ARID4B: variants seen among roughly 807,000 people sequenced by gnomAD.
ARID4B encodes the protein AT-rich interactive domain-containing protein 4B.
In ARID4B, 26 loss-of-function variants were observed where a neutral mutation model predicts 147.5. The ratio of observed to expected loss-of-function variants is 0.18; its 90% CI spans 0.13 to 0.24. ARID4B has a LOEUF of 0.24. ARID4B is among the 10% of genes least tolerant of loss of function. ARID4B has a pLI of 1.00. For missense variants in ARID4B, 1,179 were observed against 1,511.5 expected (o/e 0.78, Z 3.65); for synonymous variants, 512 against 507.9 (o/e 1.01, Z -0.11).
At chr1:235,262,965 T>A (rs1379184549) in intron 2 of ARID4B, among the ~76,000 whole-genome samples, 2 of 152,242 alleles carry the variant, frequency 1.3e-5, no homozygotes, top group Non-Finnish European at 2.9e-5. Context: ...AATTAAATTT[T>A]TTTTAAATGT....
At chr1:235,299,916 CTT>C (rs1389914323) in intron 2 of ARID4B, among the ~76,000 whole-genome samples, 2 of 152,078 alleles carry the variant, frequency 1.3e-5, no homozygotes. Context: ...TCCTGGGTAT[CTT>C]TTTATTGTCA....
At position 235,167,765 on chromosome 1, in the gene ARID4B, T is replaced by C. The variant is rs529694375; in HGVS notation, c.*760A>G. 22 of 194,678 alleles carry C rather than the reference T, an allele frequency of 1.1e-4. No individual in the cohort carries two copies. The East Asian group carries it at 1.7e-3, about 15-fold the overall frequency. The allele number at this position is 194,678 out of a possible 1,614,324, so 12.1% of individuals were successfully genotyped here. On this transcript the variant is annotated 3_prime_UTR_variant, in exon 24 of 24. Transcript: ENST00000264183. The stretch of plus-strand genomic sequence containing the variant: ...CTGGCTAAGTACAATCTTTATACAT[T>C]GTTTAAGATTTAATACAGTTTATTA...
At chr1:235,228,293 T>C (rs1667964530) in intron 11 of ARID4B, 1 of 142,528 alleles carries the variant, frequency 7.0e-6, no homozygotes, top group South Asian at 2.3e-4. Context: ...TTCTTTTTTT[T>C]TTTTTTTTTT....
At chr1:235,314,198 CCAAA>C (rs1357950756) in intron 2 of ARID4B, among the ~76,000 whole-genome samples, 1 of 151,872 alleles carries the variant, frequency 6.6e-6, no homozygotes, top group Admixed American at 6.6e-5. Context: ...CAATTCAATC[CCAAA>C]CAGTCTTGAT....
At chr1:235,211,532 C>T (rs1180140770) in intron 17 of ARID4B, among the ~76,000 whole-genome samples, 2 of 152,270 alleles carry the variant, frequency 1.3e-5, no homozygotes, top group African/African-American at 2.4e-5. Context: ...GGTGTTGTGA[C>T]TCTATCTCAT....
chr1:235,270,505 C>CA, intron 2 of ARID4B, among the ~76,000 whole-genome samples: 1 of 152,218 alleles, frequency 6.6e-6, no homozygotes, highest in Non-Finnish European at 1.5e-5. Flanking sequence ...ATCCACATCT[C>CA]ATAAACCAGA....
chr1:235,272,389 A>T (rs919739239), intron 2 of ARID4B, among the ~76,000 whole-genome samples: 3 of 152,218 alleles, frequency 2.0e-5, no homozygotes, highest in Non-Finnish European at 4.4e-5. Flanking sequence ...TAGCACCTAC[A>T]TATAGAAGAA....
At chr1:235,274,228 A>G (rs1671166981) in intron 2 of ARID4B, among the ~76,000 whole-genome samples, 2 of 151,982 alleles carry the variant, frequency 1.3e-5, no homozygotes, top group Non-Finnish European at 2.9e-5. Flanking sequence ...ACAAAAAAAA[A>G]AAATTAGCTG....
chr1:235,237,104 C>G (rs1668660458), intron 8 of ARID4B, among the ~76,000 whole-genome samples: 1 of 150,716 alleles, frequency 6.6e-6, no homozygotes, highest in Non-Finnish European at 1.5e-5. Context: ...AACTCCTGAC[C>G]TCAGGTGATC....
At chr1:235,234,846 G>A (rs1668458935) in intron 8 of ARID4B, among the ~76,000 whole-genome samples, 1 of 152,116 alleles carries the variant, frequency 6.6e-6, no homozygotes, top group Non-Finnish European at 1.5e-5. Context: ...AAAAAACAAG[G>A]GTCCAGAATT....
chr1:235,271,145 G>C (rs1009654761), intron 2 of ARID4B, among the ~76,000 whole-genome samples: 3 of 152,092 alleles, frequency 2.0e-5, no homozygotes, highest in Non-Finnish European at 4.4e-5. Context: ...TTGAGCCCAG[G>C]AGTTTGAGAC....
At position 235,326,627 on chromosome 1, in the gene ARID4B, T is replaced by C. The variant is rs190874129; in HGVS notation, c.6+287A>G. 2.4e-4 allele frequency among the ~76,000 whole-genome samples: 37 copies of C among 152,352 alleles called. No individual in the cohort carries two copies. The East Asian group carries it at 5.2e-3, about 21-fold the overall frequency. Reference sequence around the variant, plus strand: ...AGATTACCTGACTTGCTTTTTATTTTACCTTTTAAAACACTTTAATTCATG... The same window carrying C: ...AGATTACCTGACTTGCTTTTTATTTCACCTTTTAAAACACTTTAATTCATG... On this transcript the variant is annotated intron_variant, in intron 2 of 23. Coordinates refer to ENST00000264183, the MANE Select transcript of ARID4B (RefSeq NM_016374.6).
At chr1:235,323,897 A>G (rs1675027428) in intron 2 of ARID4B, among the ~76,000 whole-genome samples, 2 of 150,746 alleles carry the variant, frequency 1.3e-5, no homozygotes, top group South Asian at 4.2e-4. Flanking sequence ...TTTTTATTTT[A>G]TTTTATTTAG....
intron 19 of ARID4B, among the ~76,000 whole-genome samples, chr1:235,192,100 T>TA (rs1217237125): frequency 6.6e-6 from 1 of 151,604 alleles, no homozygotes; most frequent in Non-Finnish European, 1.5e-5. Flanking sequence ...AAAAACACCC[T>TA]AAAAAAATGA....
At chr1:235,229,947 A>C (rs1668096432) in intron 10 of ARID4B, among the ~76,000 whole-genome samples, 1 of 152,232 alleles carries the variant, frequency 6.6e-6, no homozygotes, top group Non-Finnish European at 1.5e-5. Flanking sequence ...GATGATTTTA[A>C]CCAATCTACA....
chr1:235,187,492 T>C (rs1191385322), intron 19 of ARID4B, among the ~76,000 whole-genome samples: 1 of 152,224 alleles, frequency 6.6e-6, no homozygotes, highest in Non-Finnish European at 1.5e-5. Context: ...TATTAACTGA[T>C]AGGCTTTACG....
At chr1:235,323,927 G>C (rs1675032266) in intron 2 of ARID4B, among the ~76,000 whole-genome samples, 1 of 149,998 alleles carries the variant, frequency 6.7e-6, no homozygotes. Context: ...TTTTGAGAGA[G>C]AGAGTTTCAC....
chr1:235,326,812 T>C (rs745948759), intron 2 of ARID4B, 102 bp downstream of exon 2: 4 of 1,459,290 alleles, frequency 2.7e-6, no homozygotes, highest in Non-Finnish European at 3.8e-6. Flanking sequence ...CAAACACACC[T>C]TCCTCTGCAA....
At chr1:235,224,208 A>C (rs185147598) in intron 12 of ARID4B, among the ~76,000 whole-genome samples, 1 of 152,272 alleles carries the variant, frequency 6.6e-6, no homozygotes, top group Admixed American at 6.5e-5. Flanking sequence ...TTCCCAGAAA[A>C]GAAGAAAGTA....
Sources: gnomAD v4.1 joint callset for allele counts (sites outside exome capture counted in the v4.1 genomes callset) on GRCh38, gnomAD v4.1.1 for gene constraint, MANE v1.5 for transcripts, NCBI Gene and HGNC (gene_info 2026-07-23, HGNC 2026-07-21) for gene names.